RABL3: variants seen among roughly 807,000 people sequenced by gnomAD.
RABL3 encodes the protein rab-like protein 3.
In RABL3, 31 loss-of-function variants were observed where a neutral mutation model predicts 31.8. The observed-to-expected ratio is 0.97, with a 90% CI of 0.73 to 1.31. RABL3 has a LOEUF of 1.31. RABL3 is among the 40% of genes most tolerant of loss of function. The pLI is 0.00. For synonymous variants in RABL3, 97 were observed against 99.9 expected (o/e 0.97, Z 0.18); for missense variants, 263 against 279.6 (o/e 0.94, Z 0.42).
Position 120,698,602 on chromosome 3 carries a change from T to C in RABL3, c.384-29A>G, listed in dbSNP as rs180830651. 190 of 1,562,248 alleles carry C rather than the reference T, an allele frequency of 1.2e-4. No individual in the cohort carries two copies. In the East Asian group the frequency reaches 2.7e-3, roughly 22 times the overall value. On this transcript the variant is annotated intron_variant, in intron 4 of 7. Coordinates refer to ENST00000273375, the MANE Select transcript of RABL3 (RefSeq NM_173825.5). ...TGATAAATAATAATGAAGAGGTGAA[T>C]AGAATGTATCTTTCTGGTGTAGATG...
rs916179379 is a variant in RABL3 at position 120,731,932 on chromosome 3, G to C, written c.47-1145C>G. ...AAATTAGCCAGGCATGGTGGCCTGCGTCTGTAGTCCTAGCTACTCAGCAGG... is the reference window on the plus strand; with the variant it reads ...AAATTAGCCAGGCATGGTGGCCTGCCTCTGTAGTCCTAGCTACTCAGCAGG... On this transcript the variant is annotated intron_variant, in intron 1 of 7. Transcript: ENST00000273375. Among the ~76,000 whole-genome samples the C allele has an allele frequency of 4.6e-5, 7 of 152,188 alleles. No homozygotes were observed. In the East Asian group the frequency reaches 1.4e-3, roughly 29 times the overall value.
intron 1 of RABL3, among the ~76,000 whole-genome samples, chr3:120,737,985 T>C (rs1476222866): frequency 6.6e-6 from 1 of 152,148 alleles, no homozygotes; most frequent in African/African-American, 2.4e-5. Flanking sequence ...GGGACCCACT[T>C]GAGGGGGCAA....
chr3:120,726,637 A>C (rs1300771757), intron 2 of RABL3, among the ~76,000 whole-genome samples: 1 of 152,188 alleles, frequency 6.6e-6, no homozygotes, highest in Admixed American at 6.5e-5. Flanking sequence ...CCATCTACTC[A>C]GGAGGCTGAG....
In RABL3 at chr3:120,687,660, T is replaced by A. The variant is rs533939583; in HGVS notation, c.*2163A>T. Reference sequence around the variant, plus strand: ...TAGATTATTAAAAACTATTTTTTCTTAGAAAACTATAATTCAAGGAATCAA... The same window carrying A: ...TAGATTATTAAAAACTATTTTTTCTAAGAAAACTATAATTCAAGGAATCAA... On this transcript the variant is annotated 3_prime_UTR_variant, in exon 8 of 8. Transcript: ENST00000273375. 1 of 152,264 alleles carries A rather than the reference T, an allele frequency of 6.6e-6. No homozygotes were observed. Among genetic ancestry groups the A allele is most frequent in the South Asian group, 2.1e-4 (1 of 4,828 alleles). 9.4% of individuals were successfully genotyped at this position (152,264 alleles called of 1,614,324 possible).
intron 1 of RABL3, among the ~76,000 whole-genome samples, chr3:120,732,597 G>T (rs1445992130): frequency 2.6e-5 from 4 of 151,670 alleles, no homozygotes; most frequent in Non-Finnish European, 5.9e-5. Context: ...AAGTTCTAGG[G>T]TACATGTGCA....
intron 2 of RABL3, among the ~76,000 whole-genome samples, chr3:120,723,140 C>A (rs1237168183): frequency 1.3e-5 from 2 of 152,142 alleles, no homozygotes; most frequent in Non-Finnish European, 2.9e-5. Flanking sequence ...CACAGAAATA[C>A]AAACTACCAT....
chr3:120,706,303 TTC>T (rs1483016521), intron 3 of RABL3, among the ~76,000 whole-genome samples, 189 bp from the exon 4 acceptor site: 1 of 152,126 alleles, frequency 6.6e-6, no homozygotes, highest in Non-Finnish European at 1.5e-5. Flanking sequence ...CCATAAACCT[TTC>T]TCTGTCAGTT....
chr3:120,705,151 A>T (rs1708534363), intron 4 of RABL3, among the ~76,000 whole-genome samples: 9 of 152,226 alleles, frequency 5.9e-5, no homozygotes, highest in Admixed American at 5.9e-4. Flanking sequence ...CTGGTAAGAG[A>T]AATAAAAGAA....
chr3:120,719,683 G>A (rs978400815), intron 2 of RABL3, among the ~76,000 whole-genome samples: 48 of 152,338 alleles, frequency 3.2e-4, no homozygotes, highest in African/African-American at 1.1e-3. Flanking sequence ...GGCTTGAGTA[G>A]GTAAACAAAG....
At chr3:120,716,627 TA>T (rs561424683) in intron 2 of RABL3, among the ~76,000 whole-genome samples, 2,640 of 142,564 alleles carry the variant, frequency 0.019, 83 homozygotes, top group African/African-American at 0.064. Context: ...ATAATAAAAT[TA>T]AAAAAAAAAG....
At chr3:120,725,394 C>T (rs1166636909) in intron 2 of RABL3, among the ~76,000 whole-genome samples, 7 of 152,122 alleles carry the variant, frequency 4.6e-5, no homozygotes, top group Non-Finnish European at 7.4e-5. Flanking sequence ...TGTGGTGATT[C>T]CTCAGGGATC....
intron 2 of RABL3, among the ~76,000 whole-genome samples, chr3:120,716,843 T>C (rs1264884233): frequency 6.6e-6 from 1 of 152,234 alleles, no homozygotes; most frequent in Non-Finnish European, 1.5e-5. Context: ...AGAAAAGAAC[T>C]GTTCACTTTA....
intron 1 of RABL3, among the ~76,000 whole-genome samples, chr3:120,742,027 G>A (rs1443469040): frequency 6.6e-6 from 1 of 150,916 alleles, no homozygotes. Flanking sequence ...GCGCTTGCCA[G>A]TGCACGTTTC....
At chr3:120,727,328 T>C (rs932109450) in intron 2 of RABL3, among the ~76,000 whole-genome samples, 10 of 152,134 alleles carry the variant, frequency 6.6e-5, no homozygotes, top group Non-Finnish European at 1.2e-4. Flanking sequence ...AATTATCTTA[T>C]TGAAAAACAG....
At chr3:120,704,287 C>A (rs1234187474) in intron 4 of RABL3, among the ~76,000 whole-genome samples, 7 of 152,150 alleles carry the variant, frequency 4.6e-5, no homozygotes, top group Admixed American at 6.5e-5. Context: ...TGAACGTAAT[C>A]CACCATACTG....
intron 2 of RABL3, among the ~76,000 whole-genome samples, chr3:120,725,692 C>T (rs565810354): frequency 4.5e-4 from 69 of 152,228 alleles, no homozygotes; most frequent in Middle Eastern, 3.4e-3. Flanking sequence ...CAAACTATCG[C>T]AAGGACAAAA....
At chr3:120,695,444 A>C (rs549837591) in intron 5 of RABL3, among the ~76,000 whole-genome samples, 1 of 152,100 alleles carries the variant, frequency 6.6e-6, no homozygotes, top group Non-Finnish European at 1.5e-5. Context: ...GGGCTTACTG[A>C]TTTGTGGAAT....
intron 5 of RABL3, among the ~76,000 whole-genome samples, chr3:120,697,216 GATTA>G (rs1708447049): frequency 6.6e-6 from 1 of 152,178 alleles, no homozygotes; most frequent in African/African-American, 2.4e-5. Context: ...TGAGTTGAAG[GATTA>G]ATTAAGTGCA....
chr3:120,701,022 C>T (rs1708486534), intron 4 of RABL3, among the ~76,000 whole-genome samples: 1 of 152,046 alleles, frequency 6.6e-6, no homozygotes, highest in Non-Finnish European at 1.5e-5. Flanking sequence ...TGTACCCATC[C>T]ACCCATCTCC....
Sources: allele counts gnomAD v4.1 joint callset (sites outside exome capture counted in the v4.1 genomes callset), GRCh38; gene constraint gnomAD v4.1.1; transcripts MANE v1.5; gene names NCBI Gene and HGNC (gene_info 2026-07-23, HGNC 2026-07-21).